Variants in KDM4C observed in about 807,000 individuals in gnomAD.
The protein encoded by KDM4C is lysine demethylase 4C.
In KDM4C, 81 loss-of-function variants were observed where a neutral mutation model predicts 129.3. That is an observed-to-expected ratio of 0.63 (90% confidence interval 0.52 to 0.75). The LOEUF is 0.75. Among genes scored for constraint, KDM4C ranks in the 30% least tolerant of loss-of-function variants. The pLI is 0.00. For synonymous variants in KDM4C, 573 were observed against 456.1 expected, an observed-to-expected ratio of 1.26 and a Z score of -3.26; for missense variants, 1,457 against 1,304.0, an observed-to-expected ratio of 1.12 and a Z score of -1.81.
At chr9:6,880,150 T>C (rs1407379308) in intron 6 of KDM4C, 89 bp downstream of exon 6, 29 of 739,146 alleles carry the variant, frequency 3.9e-5, no homozygotes, top group East Asian at 2.7e-5. Flanking sequence ...TTTTACAATA[T>C]AGACCGTTAC....
At chr9:6,780,104 C>T (rs1433461501) in intron 1 of KDM4C, among the ~76,000 whole-genome samples, 4 of 152,152 alleles carry the variant, frequency 2.6e-5, no homozygotes, top group Non-Finnish European at 5.9e-5. Flanking sequence ...TGACCTCACA[C>T]ACAGGGCTAA....
At position 6,867,025 on chromosome 9, in the gene KDM4C, T is replaced by A. The variant is rs866854249; in HGVS notation, c.630-12987T>A. Among the ~76,000 whole-genome samples, 879 of 146,010 alleles carry A rather than the reference T, an allele frequency of 6.0e-3. 4 individuals are homozygous for A. The highest frequency in any genetic ancestry group is 9.5e-3 in the Non-Finnish European group (634 of 66,564). ...TATATATATATATATATATTTTTTT[T>A]TTTTTTTGGAAGATGGAATCTTGCT... On this transcript the variant is annotated intron_variant, in intron 5 of 21. Transcript: ENST00000381309.
At chr9:6,911,053 T>TA (rs1218936751) in intron 8 of KDM4C, among the ~76,000 whole-genome samples, 1 of 152,206 alleles carries the variant, frequency 6.6e-6, no homozygotes, top group Non-Finnish European at 1.5e-5. Flanking sequence ...TGCAGGGTTT[T>TA]AATTTGCTTA....
intron 17 of KDM4C, among the ~76,000 whole-genome samples, chr9:7,062,536 CA>C (rs1831845926): frequency 6.6e-6 from 1 of 152,000 alleles, no homozygotes; most frequent in South Asian, 2.1e-4. Context: ...TACAGGTTTG[CA>C]CTACTATTTC....
chr9:6,803,166 T>G (rs557153528), intron 2 of KDM4C, among the ~76,000 whole-genome samples: 23 of 152,320 alleles, frequency 1.5e-4, no homozygotes, highest in Admixed American at 1.4e-3. Flanking sequence ...ATCTTGCCTC[T>G]TACACCTGGG....
chr9:7,046,172 A>G (rs1829360218), intron 15 of KDM4C, among the ~76,000 whole-genome samples: 1 of 151,844 alleles, frequency 6.6e-6, no homozygotes, highest in African/African-American at 2.4e-5. Context: ...ATTTGTAGCA[A>G]TTGGAGTCAT....
At chr9:7,095,982 C>T (rs1836386316) in intron 17 of KDM4C, among the ~76,000 whole-genome samples, 1 of 152,132 alleles carries the variant, frequency 6.6e-6, no homozygotes, top group South Asian at 2.1e-4. Flanking sequence ...TACAGAAGTA[C>T]TTAGAAAACA....
chr9:6,850,025 C>T (rs1023168438), intron 5 of KDM4C, among the ~76,000 whole-genome samples: 2 of 152,126 alleles, frequency 1.3e-5, no homozygotes, highest in African/African-American at 4.8e-5. Flanking sequence ...TAAATGAATA[C>T]TTTGTAGCTA....
At chr9:6,975,792 AC>A (rs1832816098) in intron 8 of KDM4C, among the ~76,000 whole-genome samples, 1 of 152,190 alleles carries the variant, frequency 6.6e-6, no homozygotes, top group African/African-American at 2.4e-5. Context: ...CTGTAATCCC[AC>A]CGCTTTGGGC....
In KDM4C at chr9:7,022,637, CT is replaced by C. The variant is rs375675040; in HGVS notation, c.2259+6722del. 3.2e-3 allele frequency among the ~76,000 whole-genome samples: 423 copies of C among 133,928 alleles called. 2 individuals are homozygous for C. The highest frequency in any genetic ancestry group is 4.1e-3 in the Non-Finnish European group (259 of 62,944). 87.9% of individuals were successfully genotyped at this position (133,928 alleles called of 152,430 possible). A position where few individuals can be genotyped will look rare whatever the true frequency, so the allele number is the denominator to read the frequency against. On this transcript the variant is annotated intron_variant, in intron 15 of 21. Transcript: ENST00000381309. Reference sequence around the variant, plus strand: ...TTTCCAATTTGCAAACCCTTTATTTCTTTTTTTTTTTTTTGTCTGATTACGC... The same window carrying C: ...TTTCCAATTTGCAAACCCTTTATTTCTTTTTTTTTTTTTGTCTGATTACGC...
intron 1 of KDM4C, among the ~76,000 whole-genome samples, chr9:6,724,898 C>G (rs1407094911): frequency 6.6e-6 from 1 of 152,112 alleles, no homozygotes; most frequent in African/African-American, 2.4e-5. Context: ...AATTTATTGT[C>G]TTGCAGTTCT....
intron 4 of KDM4C, chr9:6,835,457 A>G: frequency 4.0e-6 from 5 of 1,257,818 alleles, no homozygotes; most frequent in Middle Eastern, 3.8e-4. Context: ...CCTGAGCTCA[A>G]GCACTCTGTG....
At chr9:6,763,800 C>G (rs143250580) in intron 1 of KDM4C, among the ~76,000 whole-genome samples, 1 of 152,298 alleles carries the variant, frequency 6.6e-6, no homozygotes, top group East Asian at 1.9e-4. Flanking sequence ...TCTTGTTGCC[C>G]AGGCTGGAGT....
intron 8 of KDM4C, among the ~76,000 whole-genome samples, chr9:6,965,400 AATTG>A (rs1830782089): frequency 6.6e-6 from 1 of 152,124 alleles, no homozygotes; most frequent in Non-Finnish European, 1.5e-5. Flanking sequence ...CAGTAGTGCT[AATTG>A]ATATTATGTG....
chr9:6,782,781 C>G (rs934907797), intron 1 of KDM4C, among the ~76,000 whole-genome samples: 5 of 152,036 alleles, frequency 3.3e-5, no homozygotes, highest in African/African-American at 7.2e-5. Context: ...AGTTTTGTGT[C>G]TAGAAAGTTT....
chr9:6,844,420 A>T (rs1260645370), intron 4 of KDM4C, among the ~76,000 whole-genome samples: 6 of 152,268 alleles, frequency 3.9e-5, no homozygotes, highest in African/African-American at 1.4e-4. Context: ...TGTTTTACTG[A>T]CTTAAACATT....
At chr9:6,725,145 A>G (rs1386743377) in intron 1 of KDM4C, among the ~76,000 whole-genome samples, 9 of 152,080 alleles carry the variant, frequency 5.9e-5, no homozygotes, top group African/African-American at 2.2e-4. Context: ...GTTTTAAAAA[A>G]TCTAATGTGA....
At chr9:6,722,641 G>C (rs986831899) in intron 1 of KDM4C, among the ~76,000 whole-genome samples, 2 of 151,746 alleles carry the variant, frequency 1.3e-5, no homozygotes, top group African/African-American at 4.8e-5. Context: ...AGGCTCCCGA[G>C]TAGCTGCGAT....
intron 1 of KDM4C, among the ~76,000 whole-genome samples, chr9:6,750,812 A>C (rs988537591): frequency 1.3e-5 from 2 of 152,162 alleles, no homozygotes; most frequent in Admixed American, 6.6e-5. Context: ...GCAGTGGTTT[A>C]TCATTTTTTA....
Sources: allele counts gnomAD v4.1 joint callset (sites outside exome capture counted in the v4.1 genomes callset), GRCh38; gene constraint gnomAD v4.1.1; transcripts MANE v1.5; gene names NCBI Gene and HGNC (gene_info 2026-07-23, HGNC 2026-07-21).